The following NFAT5 variants were observed in gnomAD, a reference collection of about 807,000 sequenced individuals.
NFAT5 encodes nuclear factor of activated T cells 5, also known as nuclear factor of activated T-cells 5.
Under a neutral mutation model 166.5 loss-of-function variants are expected in NFAT5, and 31 were observed. The observed-to-expected ratio is 0.19, with a 90% CI of 0.14 to 0.25. The LOEUF is 0.25. Among genes scored for constraint, NFAT5 ranks in the 10% least tolerant of loss-of-function variants. NFAT5 has a pLI of 1.00. For synonymous variants in NFAT5, 612 were observed against 639.7 expected, an observed-to-expected ratio of 0.96 and a Z score of 0.65; for missense variants, 1,449 against 1,821.8, an observed-to-expected ratio of 0.80 and a Z score of 3.72.
intron 10 of NFAT5, 56 bp downstream of exon 10, chr16:69,677,391 G>A: frequency 1.4e-6 from 2 of 1,439,236 alleles, no homozygotes; most frequent in South Asian, 1.4e-5. Flanking sequence ...CCAGTTTTTT[G>A]AAAGAATATG....
chr16:69,628,371 C>T (rs1209953215), intron 3 of NFAT5, among the ~76,000 whole-genome samples: 1 of 151,958 alleles, frequency 6.6e-6, no homozygotes, highest in Non-Finnish European at 1.5e-5. Flanking sequence ...AAATTATTGA[C>T]ATTGTAAAGA....
At chr16:69,642,152 T>C (rs2035241573) in intron 3 of NFAT5, among the ~76,000 whole-genome samples, 1 of 152,174 alleles carries the variant, frequency 6.6e-6, no homozygotes, top group African/African-American at 2.4e-5. Flanking sequence ...GTTTCATCTT[T>C]TATTAAATTG....
intron 4 of NFAT5, among the ~76,000 whole-genome samples, chr16:69,652,978 TCA>T (rs2035736276): frequency 6.6e-6 from 1 of 152,202 alleles, no homozygotes; most frequent in South Asian, 2.1e-4. Context: ...CTCCTACCAC[TCA>T]CATACGTTCA....
intron 2 of NFAT5, among the ~76,000 whole-genome samples, chr16:69,587,838 A>G (rs531230880): frequency 4.6e-5 from 7 of 152,102 alleles, no homozygotes; most frequent in Non-Finnish European, 1.0e-4. Flanking sequence ...AATCTTAACC[A>G]GTACATTTGT....
At chr16:69,616,519 A>G (rs2033951432) in intron 2 of NFAT5, among the ~76,000 whole-genome samples, 1 of 151,836 alleles carries the variant, frequency 6.6e-6, no homozygotes, top group South Asian at 2.1e-4. Context: ...CTGTCCATCC[A>G]TATGGAGATT....
chr16:69,667,457 A>G (rs2036440996), intron 7 of NFAT5, among the ~76,000 whole-genome samples: 1 of 151,502 alleles, frequency 6.6e-6, no homozygotes, highest in Non-Finnish European at 1.5e-5. Context: ...CTTGTACTGT[A>G]TAACTTGTGA....
intron 4 of NFAT5, among the ~76,000 whole-genome samples, chr16:69,650,516 T>C (rs1243174271): frequency 6.6e-6 from 1 of 152,164 alleles, no homozygotes; most frequent in Non-Finnish European, 1.5e-5. Flanking sequence ...CACTCAATAC[T>C]TCATCCCAAG....
intron 2 of NFAT5, among the ~76,000 whole-genome samples, chr16:69,604,229 C>T (rs1020870755): frequency 1.3e-5 from 2 of 152,286 alleles, no homozygotes; most frequent in Middle Eastern, 3.4e-3. Context: ...GTACTTCCTA[C>T]TGTGATAAAT....
intron 2 of NFAT5, among the ~76,000 whole-genome samples, chr16:69,596,706 A>G (rs1330726781): frequency 6.6e-6 from 1 of 151,276 alleles, no homozygotes; most frequent in East Asian, 1.9e-4. Context: ...CGACAGAGCA[A>G]GACTCTATCT....
chr16:69,669,727 G>A (rs1175000172), intron 7 of NFAT5, among the ~76,000 whole-genome samples: 1 of 152,150 alleles, frequency 6.6e-6, no homozygotes, highest in Non-Finnish European at 1.5e-5. Flanking sequence ...CCATGTGATG[G>A]CTCTCAAAAC....
At chr16:69,568,152 C>T (rs1468042939) in intron 1 of NFAT5, among the ~76,000 whole-genome samples, 1 of 151,974 alleles carries the variant, frequency 6.6e-6, no homozygotes, top group Non-Finnish European at 1.5e-5. Context: ...GTCACCCCGT[C>T]ACTACTAAAA....
chr16:69,610,694 G>T (rs138297259), intron 2 of NFAT5, among the ~76,000 whole-genome samples: 85 of 152,220 alleles, frequency 5.6e-4, no homozygotes, highest in African/African-American at 1.9e-3. Context: ...TTTCTTCTCC[G>T]TAAAAACTGA....
At chr16:69,685,995 A>G (rs2037284626) in intron 11 of NFAT5, 1 of 151,736 alleles carries the variant, frequency 6.6e-6, no homozygotes, top group South Asian at 2.1e-4. Context: ...CGGTGAGCCG[A>G]GATCGTGCCA....
At chr16:69,592,681 C>T (rs1203112396) in intron 2 of NFAT5, among the ~76,000 whole-genome samples, 1 of 152,076 alleles carries the variant, frequency 6.6e-6, no homozygotes, top group South Asian at 2.1e-4. Context: ...TTTGATTACT[C>T]CCCTCAATTC....
At position 69,647,599 on chromosome 16, in the gene NFAT5, A is replaced by AT. The variant is rs1435331711; in HGVS notation, c.812+19dup. On this transcript the variant is annotated intron_variant, in intron 4 of 14. Coordinates refer to ENST00000349945, the MANE Select transcript of NFAT5 (RefSeq NM_138713.4). This position sits in a 1 kb window ranked among gnomAD's most constrained non-coding sequence, Gnocchi z 4.8. ...AAGCGGGAAATGGGTTGGTATTCAC[A>AT]TTTTTTAAAATTCTATCATCATTAT... The AT allele has an allele frequency of 6.5e-7, 1 of 1,533,150 alleles. No homozygotes were observed. Among genetic ancestry groups the AT allele is most frequent in the African/African-American group, 1.4e-5 (1 of 72,358 alleles). 95.0% of individuals were successfully genotyped at this position (1,533,150 alleles called of 1,614,324 possible). A position where few individuals can be genotyped will look rare whatever the true frequency, so the allele number is the denominator to read the frequency against.
intron 2 of NFAT5, among the ~76,000 whole-genome samples, chr16:69,625,585 T>G (rs1400877482): frequency 3.9e-5 from 6 of 152,096 alleles, no homozygotes; most frequent in Non-Finnish European, 7.4e-5. Flanking sequence ...TAGATTGATT[T>G]ATTTTAATAA....
At chr16:69,581,507 A>G (rs375687392) in intron 2 of NFAT5, among the ~76,000 whole-genome samples, 1 of 152,172 alleles carries the variant, frequency 6.6e-6, no homozygotes, top group Non-Finnish European at 1.5e-5. Flanking sequence ...TTAACTTTCT[A>G]AGAAACTGCC....
chr16:69,616,939 TC>T (rs779353563), intron 2 of NFAT5, among the ~76,000 whole-genome samples: 1 of 146,870 alleles, frequency 6.8e-6, no homozygotes, highest in Non-Finnish European at 1.5e-5. Flanking sequence ...AGTCCAAAGT[TC>T]TTTTTTTTTT....
chr16:69,654,238 CAT>C (rs1359220656), intron 5 of NFAT5, among the ~76,000 whole-genome samples: 1 of 152,078 alleles, frequency 6.6e-6, no homozygotes, highest in Admixed American at 6.6e-5. Context: ...TTTGGCTAGT[CAT>C]ATGGTAGATT....
Sources: allele counts gnomAD v4.1 joint callset (sites outside exome capture counted in the v4.1 genomes callset), GRCh38; gene constraint gnomAD v4.1.1; non-coding constraint Gnocchi (gnomAD v3.1); transcripts MANE v1.5; gene names NCBI Gene and HGNC (gene_info 2026-07-23, HGNC 2026-07-21).